The following ATP11B variants were observed in gnomAD, a reference collection of about 807,000 sequenced individuals.
ATP11B encodes the protein phospholipid-transporting ATPase IF.
Under a neutral mutation model 157.8 loss-of-function variants are expected in ATP11B, and 81 were observed. The ratio of observed to expected loss-of-function variants is 0.51; its 90% CI spans 0.43 to 0.62. The LOEUF (loss-of-function observed/expected upper bound fraction) is 0.62. ATP11B is among the 20% of genes least tolerant of loss of function. ATP11B has a pLI of 0.00. For synonymous variants in ATP11B, 451 were observed against 469.4 expected (o/e 0.96, Z 0.51); for missense variants, 1,165 against 1,402.2 (o/e 0.83, Z 2.70).
intron 12 of ATP11B, among the ~76,000 whole-genome samples, chr3:182,861,961 A>G (rs1419418688): frequency 5.1e-5 from 7 of 138,144 alleles, no homozygotes; most frequent in African/African-American, 1.6e-4. Flanking sequence ...AAAAAAAATG[A>G]AAGGCTGGGC....
At chr3:182,911,954 C>T (rs1700212024) in intron 28 of ATP11B, among the ~76,000 whole-genome samples, 1 of 152,106 alleles carries the variant, frequency 6.6e-6, no homozygotes, top group South Asian at 2.1e-4. Context: ...CGACACGTTG[C>T]CCACAGGCAG....
chr3:182,865,313 TG>T (rs1188115907), intron 12 of ATP11B, 142 bp from the exon 13 acceptor site: 2 of 701,972 alleles, frequency 2.8e-6, no homozygotes, highest in Non-Finnish European at 4.5e-6. Flanking sequence ...TAATTGTGCT[TG>T]GATTATAAGA....
chr3:182,837,827 A>G (rs566624805), intron 7 of ATP11B, among the ~76,000 whole-genome samples: 4 of 152,214 alleles, frequency 2.6e-5, no homozygotes, highest in South Asian at 2.1e-4. Context: ...TTTTAACATT[A>G]CAGTTTGCTA....
intron 24 of ATP11B, among the ~76,000 whole-genome samples, chr3:182,888,041 A>G (rs1203619162): frequency 6.6e-6 from 1 of 152,190 alleles, no homozygotes; most frequent in Non-Finnish European, 1.5e-5. Flanking sequence ...AGAATTCCTA[A>G]AAGTTTTTTT....
chr3:182,889,353 T>C (rs2108569849), intron 24 of ATP11B, 57 bp from the exon 25 acceptor site: 3 of 1,227,144 alleles, frequency 2.4e-6, no homozygotes, highest in Non-Finnish European at 3.4e-6. Flanking sequence ...ATTAATTGTT[T>C]AGTGGGCAAA....
intron 28 of ATP11B, among the ~76,000 whole-genome samples, chr3:182,899,159 T>C (rs1366472930): frequency 6.7e-6 from 1 of 150,290 alleles, no homozygotes; most frequent in African/African-American, 2.4e-5. Context: ...AATTTTTTTT[T>C]TTTTTTTTTT....
At chr3:182,820,048 T>A (rs1041763821) in intron 1 of ATP11B, among the ~76,000 whole-genome samples, 1 of 152,054 alleles carries the variant, frequency 6.6e-6, no homozygotes, top group Non-Finnish European at 1.5e-5. Context: ...AAAAAAATAG[T>A]AAAGTTTCTA....
chr3:182,883,619 TACAC>T (rs1577072556), intron 21 of ATP11B, among the ~76,000 whole-genome samples: 1 of 151,316 alleles, frequency 6.6e-6, no homozygotes, highest in African/African-American at 2.4e-5. Flanking sequence ...ATGAAATACT[TACAC>T]ACACAGACAT....
intron 2 of ATP11B, among the ~76,000 whole-genome samples, chr3:182,825,048 T>G (rs542568638): frequency 6.6e-6 from 1 of 152,372 alleles, no homozygotes; most frequent in African/African-American, 2.4e-5. Flanking sequence ...ACTTTCATTT[T>G]ACTACCTTTC....
rs1314343386 is a variant in ATP11B, at chr3:182,920,423, C to G, written c.*2319C>G. The G allele has an allele frequency of 2.0e-5, 3 of 152,168 alleles. No homozygotes were observed. In the East Asian group the frequency reaches 5.8e-4, roughly 29 times the overall value. The allele number at this position is 152,168 out of a possible 1,614,324, so 9.4% of individuals were successfully genotyped here. ...CAGTCTGCAAGCTTTCAGTAGTTTTCTAGTGCTATATTCATCCTGTAAAAC... is the reference window on the plus strand; with the variant it reads ...CAGTCTGCAAGCTTTCAGTAGTTTTGTAGTGCTATATTCATCCTGTAAAAC... On this transcript the variant is annotated 3_prime_UTR_variant, in exon 30 of 30. Coordinates refer to ENST00000323116, the MANE Select transcript of ATP11B (RefSeq NM_014616.3).
intron 12 of ATP11B, among the ~76,000 whole-genome samples, chr3:182,865,000 T>G (rs62294822): frequency 0.05 from 7,580 of 152,220 alleles, 271 homozygotes; most frequent in Non-Finnish European, 0.067. Flanking sequence ...ACCTCTAACT[T>G]CTTGTGTTGC....
chr3:182,872,603 AAT>A, intron 18 of ATP11B, 66 bp downstream of exon 18: 7 of 1,283,136 alleles, frequency 5.5e-6, no homozygotes, highest in Non-Finnish European at 6.4e-6. Context: ...CAAGTATTCT[AAT>A]ATGTGACATA....
At chr3:182,816,976 G>A (rs979706102) in intron 1 of ATP11B, among the ~76,000 whole-genome samples, 2 of 152,006 alleles carry the variant, frequency 1.3e-5, no homozygotes, top group East Asian at 3.9e-4. Context: ...AGGGACATTT[G>A]GCTGTACTTA....
chr3:182,812,279 C>G (rs1036325133), intron 1 of ATP11B, among the ~76,000 whole-genome samples: 1 of 152,156 alleles, frequency 6.6e-6, no homozygotes, highest in East Asian at 1.9e-4. Context: ...TTTAGAAAGC[C>G]ATTTTCATTG....
chr3:182,829,910 T>G (rs1328512661), intron 4 of ATP11B, 158 bp downstream of exon 4: 1 of 984,202 alleles, frequency 1.0e-6, no homozygotes, highest in Non-Finnish European at 1.2e-6. Flanking sequence ...TTAGCCACTC[T>G]GTTATATTTC....
At position 182,918,515 on chromosome 3, in the gene ATP11B, T is replaced by A. The variant is rs1203577453; in HGVS notation, c.*411T>A. The A allele has an allele frequency of 7.6e-6, 3 of 396,414 alleles. No individual in the cohort carries two copies. The highest frequency in any genetic ancestry group is 8.9e-6 in the Non-Finnish European group (2 of 224,528). The allele number at this position is 396,414 out of a possible 1,614,324, so 24.6% of individuals were successfully genotyped here. ...TATTTAAATCTGCTTCTGTAAATTA[T>A]GCTGAAAGTTTGCCTTGAGAACTCT... On this transcript the variant is annotated 3_prime_UTR_variant, in exon 30 of 30. Coordinates refer to ENST00000323116, the MANE Select transcript of ATP11B (RefSeq NM_014616.3).
At chr3:182,858,873 A>G (rs1720622330) in intron 11 of ATP11B, among the ~76,000 whole-genome samples, 1 of 152,200 alleles carries the variant, frequency 6.6e-6, no homozygotes, top group Admixed American at 6.5e-5. Context: ...AGGTAGTTTC[A>G]GTCATACCAG....
At chr3:182,911,228 C>T (rs1218370122) in intron 28 of ATP11B, among the ~76,000 whole-genome samples, 1 of 147,708 alleles carries the variant, frequency 6.8e-6, no homozygotes, top group Non-Finnish European at 1.5e-5. Context: ...TCTCCTCCTT[C>T]AGCCTGGAAT....
intron 2 of ATP11B, among the ~76,000 whole-genome samples, chr3:182,822,935 G>A (rs768491768): frequency 2.0e-5 from 3 of 152,112 alleles, no homozygotes; most frequent in Non-Finnish European, 2.9e-5. Flanking sequence ...AGTGTCTGTT[G>A]ATATCCTTTG....
Sources: gnomAD v4.1 joint callset for allele counts (sites outside exome capture counted in the v4.1 genomes callset) on GRCh38, gnomAD v4.1.1 for gene constraint, MANE v1.5 for transcripts, NCBI Gene and HGNC (gene_info 2026-07-23, HGNC 2026-07-21) for gene names.